RPA2: variants seen among roughly 807,000 people sequenced by gnomAD.
The protein encoded by RPA2 is replication protein A2.
Under a neutral mutation model 33.4 loss-of-function variants are expected in RPA2, and 22 were observed. The observed-to-expected ratio is 0.66, with a 90% CI of 0.47 to 0.94. The LOEUF (loss-of-function observed/expected upper bound fraction) is 0.94, where lower values mean the gene tolerates loss of function less well. RPA2 is among the 40% of genes least tolerant of loss of function. RPA2 has a pLI of 0.00. For missense variants in RPA2, 279 were observed against 329.9 expected, an observed-to-expected ratio of 0.85 and a Z score of 1.19; for synonymous variants, 109 against 114.9, an observed-to-expected ratio of 0.95 and a Z score of 0.33.
chr1:27,902,286 CTTTT>C (rs11384286), intron 4 of RPA2, among the ~76,000 whole-genome samples: 2 of 138,996 alleles, frequency 1.4e-5, no homozygotes, highest in African/African-American at 5.3e-5. Context: ...TTTACGTATA[CTTTT>C]TTTTTTTTTT....
chr1:27,892,047 G>A lies in RPA2; in HGVS notation c.*116C>T. On this transcript the variant is annotated 3_prime_UTR_variant, in exon 9 of 9. Coordinates refer to ENST00000373912, the MANE Select transcript of RPA2 (RefSeq NM_002946.5). The stretch of plus-strand genomic sequence containing the variant: ...CAAAAGGAAGTCAGAGGAGACATTT[G>A]ATAGATGAAACCTACTTCCTAGAAG... 3 of 705,936 alleles carry A rather than the reference G, an allele frequency of 4.2e-6. No individual in the cohort carries two copies. The South Asian group carries it at 6.2e-5, about 15-fold the overall frequency. 43.7% of individuals were successfully genotyped at this position (705,936 alleles called of 1,614,324 possible). A position where few individuals can be genotyped will look rare whatever the true frequency, so the allele number is the denominator to read the frequency against.
chr1:27,902,181 G>A (rs2089976063), intron 4 of RPA2, among the ~76,000 whole-genome samples: 1 of 152,000 alleles, frequency 6.6e-6, no homozygotes, highest in Admixed American at 6.6e-5. Flanking sequence ...CCATCTCCCA[G>A]GCTCAAGCAA....
At position 27,892,246 on chromosome 1, in the gene RPA2, G is replaced by T. The variant is rs1359154141; in HGVS notation, c.730C>A (p.Gln244Lys). ...LKHMSVSSIK[Q>K]AVDFLSNEGH... Reference sequence around the variant, plus strand: ...TCATTGCTCAGAAAATCCACAGCTTGCCTAGAAAGAAAGAAGAAAAAAAAA... The same window carrying T: ...TCATTGCTCAGAAAATCCACAGCTTTCCTAGAAAGAAAGAAGAAAAAAAAA... Residue 244 changes from glutamine (Q) to lysine (K), a missense_variant and splice_region_variant, in exon 9 of 9, where the codon CAA becomes AAA. Gln to Lys is a moderately conservative substitution (Grantham distance 53). Coordinates refer to ENST00000373912, the MANE Select transcript of RPA2 (RefSeq NM_002946.5). 6.2e-7 allele frequency: 1 copy of T among 1,610,382 alleles called. No homozygotes were observed. Among genetic ancestry groups the T allele is most frequent in the Non-Finnish European group, 8.5e-7 (1 of 1,177,682 alleles).
chr1:27,914,041 C>T, intron 2 of RPA2, 22 bp downstream of exon 2: 1 of 1,551,060 alleles, frequency 6.4e-7, no homozygotes, highest in Non-Finnish European at 8.7e-7. Context: ...TAAAACAAAA[C>T]TAAATACTCC....
Position 27,907,292 on chromosome 1 carries a change from A to G in RPA2, c.118-10T>C. ...GCTGGGCTCGGGCTCTCTGAAAAGA[A>G]AAAACATGCAAAATTCAATTAAGAA... On this transcript the variant is annotated splice_polypyrimidine_tract_variant and intron_variant, in intron 2 of 8. Coordinates refer to ENST00000373912, the MANE Select transcript of RPA2 (RefSeq NM_002946.5). 1 of 1,588,594 alleles carries G rather than the reference A, an allele frequency of 6.3e-7. No homozygotes were observed.
intron 4 of RPA2, among the ~76,000 whole-genome samples, chr1:27,902,428 C>T (rs974367652): frequency 1.3e-5 from 2 of 151,504 alleles, no homozygotes; most frequent in Admixed American, 6.6e-5. Flanking sequence ...GGACTACAGG[C>T]GTGCACCACC....
At chr1:27,899,170 C>T (rs1027868825) in intron 4 of RPA2, among the ~76,000 whole-genome samples, 1 of 152,074 alleles carries the variant, frequency 6.6e-6, no homozygotes, top group Non-Finnish European at 1.5e-5. Flanking sequence ...GTTAGGAGTT[C>T]GAGACCAGCC....
intron 6 of RPA2, 134 bp from the exon 7 acceptor site, chr1:27,894,531 T>C (rs1454897221): frequency 1.9e-5 from 12 of 644,212 alleles, no homozygotes; most frequent in Admixed American, 9.2e-5. Context: ...ACTGCTTACA[T>C]TGGAGTGGAC....
intron 2 of RPA2, among the ~76,000 whole-genome samples, chr1:27,912,479 G>T (rs546999788): frequency 1.3e-5 from 2 of 152,114 alleles, no homozygotes; most frequent in South Asian, 4.1e-4. Flanking sequence ...TTGAGGCATG[G>T]AGGTCCAAGC....
chr1:27,910,409 T>C (rs1194935906), intron 2 of RPA2, among the ~76,000 whole-genome samples: 1 of 152,238 alleles, frequency 6.6e-6, no homozygotes, highest in Non-Finnish European at 1.5e-5. Flanking sequence ...AAATCAAGTA[T>C]TTATTTTTTA....
At chr1:27,894,690 G>T (rs1215009309) in intron 6 of RPA2, among the ~76,000 whole-genome samples, 3 of 152,186 alleles carry the variant, frequency 2.0e-5, no homozygotes, top group Non-Finnish European at 4.4e-5. Flanking sequence ...ATTACCCAGA[G>T]TCTGCTATTT....
chr1:27,893,995 G>A lies in RPA2; in HGVS notation c.728+17C>T, dbSNP rs374562520. The A allele has an allele frequency of 6.3e-7, 1 of 1,595,846 alleles. No homozygotes were observed. The highest frequency in any genetic ancestry group is 1.7e-5 in the Admixed American group (1 of 59,970). On this transcript the variant is annotated intron_variant, in intron 8 of 8. Transcript: ENST00000373912. ...GTACAATGCCAGAGCCTGAGCTCAT[G>A]AAAATCAAATACTTACTTGATTGAG...
In RPA2 at chr1:27,892,259, G is replaced by GAAAA; in HGVS notation, c.729-13_729-12insTTTT. On this transcript the variant is annotated splice_polypyrimidine_tract_variant and intron_variant, in intron 8 of 8. Coordinates refer to ENST00000373912, the MANE Select transcript of RPA2 (RefSeq NM_002946.5). The stretch of plus-strand genomic sequence containing the variant: ...AATCCACAGCTTGCCTAGAAAGAAA[G>GAAAA]AAGAAAAAAAAAAGGTCATTTTCAG... 1.3e-6 allele frequency: 2 copies of GAAAA among 1,585,826 alleles called. No individual in the cohort carries two copies. Among genetic ancestry groups the GAAAA allele is most frequent in the Admixed American group, 1.8e-5 (1 of 55,892 alleles).
intron 4 of RPA2, among the ~76,000 whole-genome samples, chr1:27,902,538 C>T (rs1476204051): frequency 6.6e-6 from 1 of 152,032 alleles, no homozygotes; most frequent in Non-Finnish European, 1.5e-5. Flanking sequence ...CTCATCTTGG[C>T]CTCCCCAAAG....
chr1:27,907,299 T>C lies in RPA2; in HGVS notation c.118-17A>G, dbSNP rs376585215. On this transcript the variant is annotated splice_polypyrimidine_tract_variant and intron_variant, in intron 2 of 8. Coordinates refer to ENST00000373912, the MANE Select transcript of RPA2 (RefSeq NM_002946.5). ...TCGGGCTCTCTGAAAAGAAAAAACATGCAAAATTCAATTAAGAAAGTAATA... is the reference window on the plus strand; with the variant it reads ...TCGGGCTCTCTGAAAAGAAAAAACACGCAAAATTCAATTAAGAAAGTAATA... 47 of 1,585,760 alleles carry C rather than the reference T, an allele frequency of 3.0e-5. No individual in the cohort carries two copies. Among genetic ancestry groups the C allele is most frequent in the Admixed American group, 1.5e-4 (8 of 53,160 alleles).
chr1:27,914,516 G>T lies in RPA2; in HGVS notation c.-73C>A, dbSNP rs1011790382. ...GGAATAGCGGAAAACCACAGAACGC[G>T]GCCGCCACTGCGCCGCTCTGGCTAC... On this transcript the variant is annotated 5_prime_UTR_variant, in exon 1 of 9. Transcript: ENST00000373912. 16 of 1,598,632 alleles carry T rather than the reference G, an allele frequency of 1.0e-5. No individual in the cohort carries two copies. Among genetic ancestry groups the T allele is most frequent in the African/African-American group, 4.0e-5 (3 of 74,424 alleles).
At chr1:27,904,753 C>G (rs1027663625) in intron 4 of RPA2, among the ~76,000 whole-genome samples, 41 of 152,046 alleles carry the variant, frequency 2.7e-4, no homozygotes, top group African/African-American at 9.7e-4. Context: ...CAACCTCTGT[C>G]TCCTAGGTTC....
intron 4 of RPA2, among the ~76,000 whole-genome samples, chr1:27,898,804 G>A (rs1053642871): frequency 2.8e-4 from 42 of 152,064 alleles, no homozygotes; most frequent in African/African-American, 9.6e-4. Context: ...TGATCCACCC[G>A]TCGCGGCCTC....
rs758447267 is a variant in RPA2 at position 27,914,418 on chromosome 1, G to A, written c.10+16C>T. 33 of 1,607,720 alleles carry A rather than the reference G, an allele frequency of 2.1e-5. 2 individuals carry two copies. In the South Asian group the frequency reaches 3.7e-4, roughly 18 times the overall value. On this transcript the variant is annotated intron_variant, in intron 1 of 8. Transcript: ENST00000373912. ...TGCGATTCTCTTCCTCCTCCACCCCGCACCCCCATCATTACTGTTCCACAT... is the reference window on the plus strand; with the variant it reads ...TGCGATTCTCTTCCTCCTCCACCCCACACCCCCATCATTACTGTTCCACAT...
Sources: allele counts gnomAD v4.1 joint callset (sites outside exome capture counted in the v4.1 genomes callset), GRCh38; gene constraint gnomAD v4.1.1; transcripts MANE v1.5; gene names NCBI Gene and HGNC (gene_info 2026-07-23, HGNC 2026-07-21).